Variants in GPATCH8 observed in about 807,000 individuals in gnomAD.
The protein encoded by GPATCH8 is G-patch domain containing 8.
Under a neutral mutation model 118.3 loss-of-function variants are expected in GPATCH8, and 18 were observed. The observed-to-expected ratio is 0.15, with a 90% CI of 0.11 to 0.23. The LOEUF (loss-of-function observed/expected upper bound fraction) is 0.23. Among genes scored for constraint, GPATCH8 ranks in the 10% least tolerant of loss-of-function variants. The pLI is 1.00. For missense variants in GPATCH8, 1,631 were observed against 1,873.8 expected (o/e 0.87, Z 2.39); for synonymous variants, 659 against 684.7 (o/e 0.96, Z 0.59).
At position 44,399,678 on chromosome 17, in the gene GPATCH8, C is replaced by G. The variant is rs1474705981; in HGVS notation, c.2399G>C (p.Gly800Ala). 7.4e-6 allele frequency: 12 copies of G among 1,614,070 alleles called. No individual in the cohort carries two copies. Among genetic ancestry groups the G allele is most frequent in the Non-Finnish European group, 1.0e-5 (12 of 1,180,026 alleles). ...GCTAGACCGGCTGCTCCGTTTGGTG[C>G]CTGCTCTTCGCTGGCAGGATGAAGG... The part of the protein sequence containing the change: ...LPPSSCQRRA[G>A]TKRSSRSSHR... The change falls in exon 8 of 8, where the codon GGC becomes GCC. Residue 800 changes from glycine to alanine, a missense_variant. Physicochemically the swap from Gly to Ala is moderately conservative, Grantham distance 60 (BLOSUM62 0). Transcript: ENST00000591680.
intron 6 of GPATCH8, among the ~76,000 whole-genome samples, chr17:44,406,467 A>C (rs1267890579): frequency 1.7e-5 from 2 of 118,806 alleles, no homozygotes; most frequent in Non-Finnish European, 1.6e-5. Flanking sequence ...CCCAGGTGTA[A>C]GATCTTGAAA....
intron 1 of GPATCH8, among the ~76,000 whole-genome samples, chr17:44,501,820 C>T (rs890681959): frequency 2.0e-5 from 3 of 152,134 alleles, no homozygotes; most frequent in African/African-American, 7.2e-5. Context: ...CTCTGAAAAG[C>T]ATTTGCGGGC....
At chr17:44,489,474 G>A (rs546331768) in intron 1 of GPATCH8, among the ~76,000 whole-genome samples, 40 of 151,814 alleles carry the variant, frequency 2.6e-4, no homozygotes, top group Admixed American at 1.1e-3. Context: ...CCAAGTAGTT[G>A]GGATTACAGG....
intron 6 of GPATCH8, among the ~76,000 whole-genome samples, chr17:44,412,131 C>T (rs978758505): frequency 6.6e-6 from 1 of 152,088 alleles, no homozygotes; most frequent in Non-Finnish European, 1.5e-5. Context: ...CCATGTTGGT[C>T]GGGATGGTCT....
Position 44,398,218 on chromosome 17 carries a change from C to T in GPATCH8, c.3859G>A (p.Gly1287Arg), listed in dbSNP as rs772070571. 2 of 1,613,380 alleles carry T rather than the reference C, an allele frequency of 1.2e-6. No individual in the cohort carries two copies. The highest frequency in any genetic ancestry group is 2.2e-5 in the East Asian group (1 of 44,862). The change falls in exon 8 of 8, where the codon GGG becomes AGG. Residue 1287 changes from glycine to arginine, a missense_variant. Coordinates refer to ENST00000591680, the MANE Select transcript of GPATCH8 (RefSeq NM_001002909.4). The stretch of plus-strand genomic sequence containing the variant: ...TCTGTTGACTCAATACTAGGATCCC[C>T]ACTGGGAGGTGCATAACTGGGGAAA... Reference protein sequence around the residue: ...EHFPSYAPPSGDPSIESTDGA... With the variant: ...EHFPSYAPPSRDPSIESTDGA...
At chr17:44,430,174 A>G (rs1213655137) in intron 5 of GPATCH8, among the ~76,000 whole-genome samples, 1 of 151,892 alleles carries the variant, frequency 6.6e-6, no homozygotes, top group African/African-American at 2.4e-5. Flanking sequence ...TAGAAGAGGA[A>G]GGAACACTTC....
chr17:44,470,388 G>A (rs1967183191), intron 2 of GPATCH8, among the ~76,000 whole-genome samples: 1 of 151,862 alleles, frequency 6.6e-6, no homozygotes, highest in South Asian at 2.1e-4. Flanking sequence ...AGTAGACATG[G>A]GGTTTCACCG....
chr17:44,467,159 C>T, intron 2 of GPATCH8: 1 of 962,818 alleles, frequency 1.0e-6, no homozygotes, highest in Non-Finnish European at 1.4e-6. Flanking sequence ...AGAAACTGTC[C>T]AATCACTAAT....
chr17:44,477,151 T>C (rs1426166781), intron 1 of GPATCH8, among the ~76,000 whole-genome samples: 2 of 152,210 alleles, frequency 1.3e-5, no homozygotes, highest in East Asian at 3.8e-4. Context: ...ATAAATAAAA[T>C]CTAATGATGG....
chr17:44,421,594 G>C (rs1430275198), intron 6 of GPATCH8, among the ~76,000 whole-genome samples: 2 of 151,208 alleles, frequency 1.3e-5, no homozygotes, highest in Non-Finnish European at 3.0e-5. Context: ...TGGAACTCCT[G>C]ACCTCAGGTG....
intron 6 of GPATCH8, among the ~76,000 whole-genome samples, chr17:44,409,638 T>C (rs1397798184): frequency 6.6e-6 from 1 of 152,224 alleles, no homozygotes; most frequent in South Asian, 2.1e-4. Context: ...AATCCATTAA[T>C]TACTAGCCAA....
rs2048938615 is a variant in GPATCH8, at chr17:44,399,771, T to C, written c.2306A>G (p.Lys769Arg). 9.9e-6 allele frequency: 16 copies of C among 1,613,694 alleles called. No homozygotes were observed. The highest frequency in any genetic ancestry group is 1.4e-5 in the Non-Finnish European group (16 of 1,179,768). ...GCTGCTACCACCCCCACCTTCATCC[T>C]TTTTGCCACTGCTCCCCTCTTCAGC... is the stretch of plus-strand genomic sequence containing the variant. ...LPAEEGSSGK[K>R]DEGGGGSSSQ... The change falls in exon 8 of 8, where the codon AAG becomes AGG. Residue 769 changes from lysine (K) to arginine (R), a missense_variant. Lys to Arg is a conservative substitution (Grantham distance 26). Around this residue, in one of 8 missense-constraint regions of GPATCH8, gnomAD observed 922 missense variants for 879.7 expected, o/e 1.05. Coordinates refer to ENST00000591680, the MANE Select transcript of GPATCH8 (RefSeq NM_001002909.4).
chr17:44,453,530 T>TGTGC (rs1052518435), intron 3 of GPATCH8, among the ~76,000 whole-genome samples: 7 of 150,452 alleles, frequency 4.7e-5, no homozygotes, highest in African/African-American at 1.5e-4. Flanking sequence ...TGTGTGTGTG[T>TGTGC]GCAGGCGCGC....
At chr17:44,490,694 T>C (rs540126107) in intron 1 of GPATCH8, among the ~76,000 whole-genome samples, 7 of 151,970 alleles carry the variant, frequency 4.6e-5, no homozygotes, top group African/African-American at 1.4e-4. Context: ...ATTATATGCA[T>C]ACACCCAACT....
Position 44,396,808 on chromosome 17 carries a change from TCAACA to T in GPATCH8, c.*755_*759del, listed in dbSNP as rs1303276508. 2.2e-6 allele frequency: 1 copy of T among 454,464 alleles called. No individual in the cohort carries two copies. Among genetic ancestry groups the T allele is most frequent in the South Asian group, 1.6e-5 (1 of 64,448 alleles). 28.2% of individuals were successfully genotyped at this position (454,464 alleles called of 1,614,324 possible). A position where few individuals can be genotyped will look rare whatever the true frequency, so the allele number is the denominator to read the frequency against. On this transcript the variant is annotated 3_prime_UTR_variant, in exon 8 of 8. Coordinates refer to ENST00000591680, the MANE Select transcript of GPATCH8 (RefSeq NM_001002909.4). ...AATCCTATAAATTAAGAAGGAAACA[TCAACA>T]CAACAGAAGAAAATATACCCTTCAC...
At chr17:44,423,649 C>T (rs1489600976) in intron 6 of GPATCH8, among the ~76,000 whole-genome samples, 1 of 152,100 alleles carries the variant, frequency 6.6e-6, no homozygotes, top group East Asian at 1.9e-4. Flanking sequence ...CAGAACTGTC[C>T]TATAGGTGTA....
At position 44,395,551 on chromosome 17, in the gene GPATCH8, A is replaced by G. The variant is rs1247792531; in HGVS notation, c.*2017T>C. The G allele has an allele frequency of 6.6e-6, 3 of 454,374 alleles. No individual in the cohort carries two copies. The highest frequency in any genetic ancestry group is 4.7e-5 in the South Asian group (3 of 64,476). 28.1% of individuals were successfully genotyped at this position (454,374 alleles called of 1,614,324 possible). A position where few individuals can be genotyped will look rare whatever the true frequency, so the allele number is the denominator to read the frequency against. On this transcript the variant is annotated 3_prime_UTR_variant, in exon 8 of 8. Transcript: ENST00000591680. ...TTATTTATTTACATGGGCTGAAAGC[A>G]AAGAAAAATGAGTCCCTTCACTTAC... is the stretch of plus-strand genomic sequence containing the variant.
intron 1 of GPATCH8, among the ~76,000 whole-genome samples, chr17:44,477,497 A>G (rs1967870770): frequency 6.6e-6 from 1 of 152,092 alleles, no homozygotes; most frequent in Admixed American, 6.5e-5. Context: ...CCTCTTGACC[A>G]GTTGGAACTA....
chr17:44,399,024 C>G lies in GPATCH8; in HGVS notation c.3053G>C (p.Arg1018Thr). Reference sequence around the variant, plus strand: ...AATGAAGTCCCGACGCCCAGAATGCCTCTCCTCAGGGCTCTCGTGACCCCA... The same window carrying G: ...AATGAAGTCCCGACGCCCAGAATGCGTCTCCTCAGGGCTCTCGTGACCCCA... ...RSWGHESPEE[R>T]HSGRRDFIRS... The change falls in exon 8 of 8, where the codon AGG becomes ACG. Residue 1018 changes from arginine to threonine, a missense_variant. Transcript: ENST00000591680. 6.2e-7 allele frequency: 1 copy of G among 1,613,922 alleles called. No homozygotes were observed. The highest frequency in any genetic ancestry group is 8.5e-7 in the Non-Finnish European group (1 of 1,179,830).
Sources: gnomAD v4.1 joint callset for allele counts (sites outside exome capture counted in the v4.1 genomes callset) on GRCh38, gnomAD v4.1.1 for gene constraint, gnomAD v4.1.1 regional missense constraint, MANE v1.5 for transcripts, NCBI Gene and HGNC (gene_info 2026-07-23, HGNC 2026-07-21) for gene names.